The following MAP2K1 variants were observed in gnomAD, a reference collection of about 807,000 sequenced individuals.
The protein encoded by MAP2K1 is mitogen-activated protein kinase kinase 1.
MAP2K1 carries 16 observed loss-of-function variants against 46.3 expected under a neutral mutation model. The ratio of observed to expected loss-of-function variants is 0.35; its 90% CI spans 0.23 to 0.52. MAP2K1 has a LOEUF of 0.52. MAP2K1 is among the 20% of genes least tolerant of loss of function. The probability of loss-of-function intolerance (pLI) is 0.94; values close to 1 mark genes in which losing one functional copy is unlikely to be tolerated. For missense variants in MAP2K1, 263 were observed against 497.1 expected (o/e 0.53, Z 4.48); for synonymous variants, 183 against 185.6 (o/e 0.99, Z 0.11).
At chr15:66,397,440 T>C (rs1286493209) in intron 1 of MAP2K1, among the ~76,000 whole-genome samples, 1 of 152,098 alleles carries the variant, frequency 6.6e-6, no homozygotes, top group Non-Finnish European at 1.5e-5. Context: ...CAAAATAACA[T>C]ACACGGAAGC....
In MAP2K1 at chr15:66,481,896, C is replaced by T. The variant is rs781502567; in HGVS notation, c.693+17C>T. On this transcript the variant is annotated intron_variant, in intron 6 of 10. Coordinates refer to ENST00000307102, the MANE Select transcript of MAP2K1 (RefSeq NM_002755.4). Reference sequence around the variant, plus strand: ...TACATGTCGGTATGAACAGAAGTTTCCATTGCTTGAGCTTCTTGTACGGTC... The same window carrying T: ...TACATGTCGGTATGAACAGAAGTTTTCATTGCTTGAGCTTCTTGTACGGTC... 1 of 1,612,514 alleles carries T rather than the reference C, an allele frequency of 6.2e-7. No individual in the cohort carries two copies. The highest frequency in any genetic ancestry group is 8.5e-7 in the Non-Finnish European group (1 of 1,179,018).
chr15:66,420,833 A>G (rs868256418), intron 1 of MAP2K1, among the ~76,000 whole-genome samples: 2 of 72,574 alleles, frequency 2.8e-5, no homozygotes, highest in East Asian at 4.1e-4. Context: ...ATATATGTGT[A>G]TATATATGTG....
At chr15:66,445,639 A>G (rs1186431240) in intron 5 of MAP2K1, among the ~76,000 whole-genome samples, 1 of 152,250 alleles carries the variant, frequency 6.6e-6, no homozygotes, top group Non-Finnish European at 1.5e-5. Flanking sequence ...ATACTCTTCA[A>G]CAATAAAAAT....
intron 5 of MAP2K1, among the ~76,000 whole-genome samples, chr15:66,475,465 C>T (rs1052764738): frequency 6.6e-6 from 1 of 152,172 alleles, no homozygotes; most frequent in African/African-American, 2.4e-5. Flanking sequence ...GCCCCTTGCT[C>T]CTTCCTTCCA....
intron 1 of MAP2K1, among the ~76,000 whole-genome samples, chr15:66,433,286 G>T (rs2093479460): frequency 6.6e-6 from 1 of 152,166 alleles, no homozygotes; most frequent in Non-Finnish European, 1.5e-5. Flanking sequence ...GCCTCAGTTT[G>T]CTTGGACTGC....
Position 66,485,126 on chromosome 15 carries a change from G to A in MAP2K1, c.830G>A (p.Cys277Tyr). The A allele has an allele frequency of 6.2e-7, 1 of 1,614,094 alleles. No individual in the cohort carries two copies. Among genetic ancestry groups the A allele is most frequent in the Non-Finnish European group, 8.5e-7 (1 of 1,180,046 alleles). ...DAKELELMFG[C>Y]QVEGDAAETP... is the part of the protein sequence containing the mutation. The stretch of plus-strand genomic sequence containing the variant: ...AAGGAGCTGGAGCTGATGTTTGGGT[G>A]CCAGGTGGAAGGAGATGCGGCTGAG... The change falls in exon 7 of 11, where the codon TGC (cysteine) becomes TAC (tyrosine). Residue 277 changes from cysteine (C) to tyrosine (Y), a missense_variant. Coordinates refer to ENST00000307102, the MANE Select transcript of MAP2K1 (RefSeq NM_002755.4).
chr15:66,489,177 G>A (rs372032236), intron 8 of MAP2K1, 38 bp from the exon 9 acceptor site: 2 of 1,562,394 alleles, frequency 1.3e-6, no homozygotes. Context: ...CTGGAGCAAG[G>A]AGCCAGGCAT....
intron 1 of MAP2K1, among the ~76,000 whole-genome samples, chr15:66,408,219 G>A (rs527842632): frequency 3.7e-4 from 57 of 152,356 alleles, no homozygotes; most frequent in Admixed American, 9.8e-4. Context: ...TATCAGGTGA[G>A]AAGGAGAGAA....
At chr15:66,485,892 GTTTTT>G (rs773735552) in intron 7 of MAP2K1, among the ~76,000 whole-genome samples, 1 of 151,336 alleles carries the variant, frequency 6.6e-6, no homozygotes, top group East Asian at 1.9e-4. Flanking sequence ...TAATTTGTGG[GTTTTT>G]TTTGTTTTGT....
chr15:66,488,520 T>C (rs1893128315), intron 8 of MAP2K1: 1 of 153,282 alleles, frequency 6.5e-6, no homozygotes, highest in Non-Finnish European at 1.5e-5. Context: ...GGCCCACATT[T>C]CCTGGACTGC....
intron 1 of MAP2K1, among the ~76,000 whole-genome samples, chr15:66,423,604 AT>A (rs142169839): frequency 2.0e-4 from 23 of 113,130 alleles, no homozygotes; most frequent in African/African-American, 3.6e-4. Context: ...TGCCAGGCTA[AT>A]TTTTTTTTTT....
At position 66,387,284 on chromosome 15, in the gene MAP2K1, A is replaced by G; in HGVS notation, c.-64A>G. ...CTGCGCAGCGGGCGCGGGGCAGCGC[A>G]GCGGGAGGAAGCGAGAGGTGCTGCC... On this transcript the variant is annotated 5_prime_UTR_variant, in exon 1 of 11. Transcript: ENST00000307102. 1 of 1,376,028 alleles carries G rather than the reference A, an allele frequency of 7.3e-7. No individual in the cohort carries two copies. Among genetic ancestry groups the G allele is most frequent in the Non-Finnish European group, 1.0e-6 (1 of 989,176 alleles). The allele number at this position is 1,376,028 out of a possible 1,614,324, so 85.2% of individuals were successfully genotyped here.
At chr15:66,429,867 T>C (rs548375701) in intron 1 of MAP2K1, among the ~76,000 whole-genome samples, 79 of 152,220 alleles carry the variant, frequency 5.2e-4, no homozygotes, top group African/African-American at 1.8e-3. Flanking sequence ...GCCAGTTCTT[T>C]TTGTTCTCAT....
intron 1 of MAP2K1, chr15:66,415,110 G>T: frequency 1.9e-6 from 1 of 520,216 alleles, no homozygotes; most frequent in South Asian, 1.4e-5. Flanking sequence ...TGCCACTATT[G>T]CTGAAGTCCT....
intron 1 of MAP2K1, among the ~76,000 whole-genome samples, chr15:66,419,604 T>C (rs182806862): frequency 2.0e-5 from 3 of 152,320 alleles, no homozygotes; most frequent in Admixed American, 1.3e-4. Flanking sequence ...GTCACTTGTT[T>C]TAAGCAACAA....
intron 1 of MAP2K1, among the ~76,000 whole-genome samples, chr15:66,413,559 C>G (rs1046379679): frequency 6.6e-6 from 1 of 152,098 alleles, no homozygotes; most frequent in Non-Finnish European, 1.5e-5. Context: ...AAAATAATTA[C>G]AAGAATTCAG....
intron 1 of MAP2K1, among the ~76,000 whole-genome samples, chr15:66,420,962 T>TATACACACACATAC (rs1372855144): frequency 3.8e-5 from 1 of 26,262 alleles, no homozygotes; most frequent in African/African-American, 6.5e-5. Flanking sequence ...CACATACATA[T>TATACACACACATAC]ATACACACAC....
intron 3 of MAP2K1, among the ~76,000 whole-genome samples, chr15:66,437,588 CT>C (rs1171329136): frequency 6.6e-6 from 1 of 152,178 alleles, no homozygotes; most frequent in Non-Finnish European, 1.5e-5. Flanking sequence ...AGTATTGTGT[CT>C]CTCAGCTCCT....
intron 1 of MAP2K1, among the ~76,000 whole-genome samples, chr15:66,424,737 T>G (rs1440036834): frequency 6.6e-6 from 1 of 151,890 alleles, no homozygotes; most frequent in African/African-American, 2.4e-5. Flanking sequence ...TTTTAGTGGT[T>G]CTTGGCTTGA....
Sources: gnomAD v4.1 joint callset for allele counts (sites outside exome capture counted in the v4.1 genomes callset) on GRCh38, gnomAD v4.1.1 for gene constraint, MANE v1.5 for transcripts, NCBI Gene and HGNC (gene_info 2026-07-23, HGNC 2026-07-21) for gene names.